Variants in TENM1 observed in about 807,000 individuals in gnomAD.
TENM1 encodes the protein teneurin-1.
A neutral mutation model predicts 174.8 loss-of-function variants in TENM1; 35 were observed. That is an observed-to-expected ratio of 0.20 (90% CI 0.15 to 0.27). The LOEUF (loss-of-function observed/expected upper bound fraction) is 0.27, where lower values mean the gene tolerates loss of function less well. Ranked by LOEUF, TENM1 falls within the 10% of genes least tolerant of loss-of-function variation. TENM1 has a pLI of 1.00. For missense variants in TENM1, 1,633 were observed against 2,130.1 expected, an observed-to-expected ratio of 0.77 and a Z score of 4.59; for synonymous variants, 781 against 798.7, an observed-to-expected ratio of 0.98 and a Z score of 0.37.
At chrX:125,083,969 G>A in the TENM1 span, among the ~76,000 whole-genome samples, 1 of 111,170 alleles carries the variant, frequency 9.0e-6, no homozygotes, top group East Asian at 2.9e-4. Context: ...CAAGTTTGTA[G>A]GTGAGACCAC....
At position 124,756,061 on chromosome X, in the gene TENM1, C is replaced by T; in HGVS notation, c.536-18864G>A. ...GCCTTGCTAGATTTGGGAAGTTCTC[C>T]TGGATAATATCCTGCAGAGCATTTT... is the stretch of plus-strand genomic sequence containing the variant. On this transcript the variant is annotated intron_variant, in intron 3 of 31. Transcript: ENST00000422452. 1.9e-5 allele frequency among the ~76,000 whole-genome samples: 2 copies of T among 105,186 alleles called. 1 individual carries two copies. Among genetic ancestry groups the T allele is most frequent in the Middle Eastern group, 8.4e-3 (2 of 238 alleles). The allele number at this position is 105,186 out of a possible 115,157, so 91.3% of individuals were successfully genotyped here. A position where few individuals can be genotyped will look rare whatever the true frequency, so the allele number is the denominator to read the frequency against.
chrX:125,015,436 C>T, the TENM1 span, among the ~76,000 whole-genome samples: 2 of 111,384 alleles, frequency 1.8e-5, no homozygotes, highest in African/African-American at 6.5e-5. Context: ...AGAAAATGTT[C>T]TTGCACCTAT....
At chrX:124,406,291 T>C (rs776391464) in intron 26 of TENM1, 26 bp downstream of exon 29, 1 of 1,169,713 alleles carries the variant, frequency 8.5e-7, no homozygotes, top group Non-Finnish European at 1.2e-6. Context: ...GCTGTTACAG[T>C]CAGATATCGT....
chrX:124,678,598 GGGCTTTTCAAAACATTTCAAAGCA>G (rs1426626031), intron 5 of TENM1, among the ~76,000 whole-genome samples: 2 of 110,308 alleles, frequency 1.8e-5, no homozygotes, highest in Non-Finnish European at 3.8e-5. Flanking sequence ...GTCTAAAATT[GGGCTTTTCAAAACATTTCAAAGCA>G]GCAGAACCAT....
At chrX:124,380,785 C>A (rs761522145) in exon 32 of TENM1, 4 of 1,211,705 alleles carry the variant, frequency 3.3e-6, no homozygotes, top group Non-Finnish European at 3.4e-6. Context: ...ACACGTGATT[C>A]TTTTCCTCTT....
chrX:124,975,762 G>C, the TENM1 span, among the ~76,000 whole-genome samples: 3 of 111,860 alleles, frequency 2.7e-5, no homozygotes, highest in Admixed American at 1.9e-4. Flanking sequence ...AATCGCAGAG[G>C]TGGATACAGA....
intron 11 of TENM1, among the ~76,000 whole-genome samples, chrX:124,580,675 T>C (rs2049282057): frequency 9.0e-6 from 1 of 111,265 alleles, no homozygotes; most frequent in South Asian, 3.8e-4. Context: ...CCATAGTTAA[T>C]ATAATTGTAC....
intron 25 of TENM1, among the ~76,000 whole-genome samples, chrX:124,411,563 A>G (rs989725323): frequency 9.0e-6 from 1 of 111,704 alleles, no homozygotes. Flanking sequence ...ACATACCCCA[A>G]TTCTGCTAGT....
At chrX:124,744,608 G>A (rs1005227508) in intron 3 of TENM1, among the ~76,000 whole-genome samples, 2 of 111,437 alleles carry the variant, frequency 1.8e-5, no homozygotes, top group African/African-American at 6.5e-5. Context: ...ATATCAAAAA[G>A]AAAATATAAA....
intron 25 of TENM1, among the ~76,000 whole-genome samples, chrX:124,414,640 C>G (rs979656332): frequency 9.0e-6 from 1 of 111,168 alleles, no homozygotes; most frequent in African/African-American, 3.3e-5. Context: ...TGGTCCAAGT[C>G]AAATGGAATT....
At chrX:124,888,473 A>G (rs779664290) in intron 3 of TENM1, among the ~76,000 whole-genome samples, 6 of 111,861 alleles carry the variant, frequency 5.4e-5, no homozygotes, top group Non-Finnish European at 9.4e-5. Context: ...GCCTCAGGGA[A>G]CTTCCTCTCA....
chrX:125,163,275 C>T, the TENM1 span, among the ~76,000 whole-genome samples: 2 of 110,548 alleles, frequency 1.8e-5, no homozygotes, highest in African/African-American at 3.3e-5. Context: ...ATCCTAGGAT[C>T]AGTGTGATTA....
chrX:124,497,260 T>C (rs1218723454), exon 20 of TENM1: 2 of 1,201,795 alleles, frequency 1.7e-6, no homozygotes, highest in Non-Finnish European at 1.1e-6. Flanking sequence ...CCTTTATGTA[T>C]GATTCCTAGA....
intron 11 of TENM1, among the ~76,000 whole-genome samples, chrX:124,599,097 A>C (rs2049972603): frequency 9.0e-6 from 1 of 111,582 alleles, no homozygotes; most frequent in South Asian, 3.8e-4. Flanking sequence ...CCAAGGTTTC[A>C]GACATCCACT....
chrX:124,564,238 C>T (rs1045022656), intron 12 of TENM1, among the ~76,000 whole-genome samples: 2 of 111,835 alleles, frequency 1.8e-5, no homozygotes, highest in African/African-American at 6.5e-5. Context: ...CACCCCTCTC[C>T]ACCTTTTTAA....
intron 11 of TENM1, among the ~76,000 whole-genome samples, chrX:124,621,373 C>T (rs1014210731): frequency 6.3e-5 from 7 of 110,579 alleles, no homozygotes; most frequent in African/African-American, 2.3e-4. Flanking sequence ...CTCGGGAGGC[C>T]GAGGCACAAG....
chrX:124,754,276 G>C (rs1328499199), intron 3 of TENM1, among the ~76,000 whole-genome samples: 1 of 111,559 alleles, frequency 9.0e-6, no homozygotes, highest in Non-Finnish European at 1.9e-5. Context: ...TATTTGCGTA[G>C]AGGTGTTTGT....
chrX:124,468,401 C>A (rs1045897093), intron 22 of TENM1, among the ~76,000 whole-genome samples: 2 of 111,834 alleles, frequency 1.8e-5, no homozygotes, highest in African/African-American at 3.3e-5. Context: ...TGGTCTCGAA[C>A]TCCTGACCTT....
At chrX:124,465,444 G>T (rs1401503702) in intron 22 of TENM1, among the ~76,000 whole-genome samples, 1 of 110,597 alleles carries the variant, frequency 9.0e-6, no homozygotes, top group Non-Finnish European at 1.9e-5. Context: ...AGATATGGGG[G>T]TCTCACTATG....
Sources: allele counts gnomAD v4.1 joint callset (sites outside exome capture counted in the v4.1 genomes callset), GRCh38; gene constraint gnomAD v4.1.1; transcripts MANE v1.5; gene names NCBI Gene and HGNC (gene_info 2026-07-23, HGNC 2026-07-21).